Variants in GRIN2B observed in about 807,000 individuals in gnomAD.
The protein encoded by GRIN2B is glutamate receptor ionotropic, NMDA 2B.
Under a neutral mutation model 114.5 loss-of-function variants are expected in GRIN2B, and 5 were observed. That is an observed-to-expected ratio of 0.04 (90% CI 0.02 to 0.09). The LOEUF is 0.09. Among genes scored for constraint, GRIN2B ranks in the 10% least tolerant of loss-of-function variants. GRIN2B has a pLI of 1.00. For missense variants in GRIN2B, 1,108 were observed against 1,943.5 expected, an observed-to-expected ratio of 0.57 and a Z score of 8.08; for synonymous variants, 787 against 745.1, an observed-to-expected ratio of 1.06 and a Z score of -0.92.
chr12:13,812,418 T>C lies in GRIN2B; in HGVS notation c.411+53380A>G, dbSNP rs116541506. Among the ~76,000 whole-genome samples, 1,065 of 152,334 alleles carry C rather than the reference T, an allele frequency of 7.0e-3. 22 individuals are homozygous for C. The highest frequency in any genetic ancestry group is 0.025 in the African/African-American group (1,034 of 41,572). ...TTTTATTTGCCTATTACATTATCAT[T>C]TCCCACTATGTATTCTCCCTAATCT... On this transcript the variant is annotated intron_variant, in intron 3 of 13. Transcript: ENST00000609686.
chr12:13,830,664 TC>T (rs1274541188), intron 3 of GRIN2B, among the ~76,000 whole-genome samples: 1 of 152,164 alleles, frequency 6.6e-6, no homozygotes, highest in Non-Finnish European at 1.5e-5. Flanking sequence ...ATGTACACCC[TC>T]CCCAGCTAAG....
intron 3 of GRIN2B, among the ~76,000 whole-genome samples, chr12:13,783,702 T>C (rs1208940384): frequency 6.6e-6 from 1 of 152,082 alleles, no homozygotes. Flanking sequence ...TTCATTGTAA[T>C]GAAGGAAAAG....
chr12:13,870,703 G>A (rs569471564), intron 2 of GRIN2B, among the ~76,000 whole-genome samples: 1 of 152,154 alleles, frequency 6.6e-6, no homozygotes, highest in East Asian at 1.9e-4. Context: ...ATTCAATTAA[G>A]GAGACTATGA....
chr12:13,673,491 C>T (rs947817358), intron 5 of GRIN2B, among the ~76,000 whole-genome samples: 9 of 152,078 alleles, frequency 5.9e-5, no homozygotes, highest in Admixed American at 2.0e-4. Flanking sequence ...TCAGGAAGCT[C>T]ATTCTGGCAG....
At chr12:13,906,586 TAAGA>T (rs904357844) in intron 2 of GRIN2B, among the ~76,000 whole-genome samples, 1 of 152,204 alleles carries the variant, frequency 6.6e-6, no homozygotes, top group African/African-American at 2.4e-5. Flanking sequence ...TTTGTGTGTG[TAAGA>T]AAGAGAGAAA....
At chr12:13,589,052 T>G (rs1948970036) in intron 10 of GRIN2B, among the ~76,000 whole-genome samples, 1 of 152,218 alleles carries the variant, frequency 6.6e-6, no homozygotes, top group Admixed American at 6.5e-5. Flanking sequence ...CATGACATTT[T>G]GGGACATACT....
intron 4 of GRIN2B, among the ~76,000 whole-genome samples, chr12:13,726,233 T>C (rs1565514618): frequency 6.6e-6 from 1 of 152,010 alleles, no homozygotes; most frequent in Admixed American, 6.6e-5. Context: ...GCCAATATTT[T>C]TTTTTAATTA....
intron 4 of GRIN2B, among the ~76,000 whole-genome samples, chr12:13,717,422 A>G (rs11610518): frequency 0.087 from 13,244 of 151,966 alleles, 641 homozygotes; most frequent in African/African-American, 0.1. Flanking sequence ...CCTTAAACAA[A>G]TTACTTTCCA....
At chr12:13,865,491 G>A (rs1448234360) in intron 3 of GRIN2B, among the ~76,000 whole-genome samples, 1 of 152,116 alleles carries the variant, frequency 6.6e-6, no homozygotes, top group African/African-American at 2.4e-5. Flanking sequence ...AATTAGCTGG[G>A]TGTGGTGGCA....
intron 12 of GRIN2B, among the ~76,000 whole-genome samples, 155 bp from the exon 13 acceptor site, chr12:13,567,418 A>G (rs1163630756): frequency 1.3e-5 from 2 of 152,262 alleles, no homozygotes; most frequent in Non-Finnish European, 2.9e-5. Context: ...TAAAGTTAAC[A>G]GTAATCTTAT....
intron 3 of GRIN2B, among the ~76,000 whole-genome samples, chr12:13,827,225 T>C (rs751783809): frequency 5.0e-4 from 53 of 105,292 alleles, no homozygotes; most frequent in Non-Finnish European, 9.0e-4. Flanking sequence ...CTTATTGTTG[T>C]TTTCTTTTTT....
At chr12:13,651,708 T>C (rs1949814639) in intron 5 of GRIN2B, among the ~76,000 whole-genome samples, 1 of 152,104 alleles carries the variant, frequency 6.6e-6, no homozygotes, top group Admixed American at 6.5e-5. Flanking sequence ...ATAACTAAGC[T>C]AGAAAACAGC....
At chr12:13,925,343 T>C (rs1456936261) in intron 2 of GRIN2B, among the ~76,000 whole-genome samples, 1 of 152,074 alleles carries the variant, frequency 6.6e-6, no homozygotes, top group African/African-American at 2.4e-5. Context: ...AAGGAGTAAT[T>C]TAGGAATGTG....
At chr12:13,948,168 C>T (rs1354589556) in intron 2 of GRIN2B, among the ~76,000 whole-genome samples, 1 of 152,122 alleles carries the variant, frequency 6.6e-6, no homozygotes, top group Admixed American at 6.5e-5. Context: ...CTAATAGCTA[C>T]AAGAAAGAAG....
chr12:13,877,789 G>T (rs1355216153), intron 2 of GRIN2B, among the ~76,000 whole-genome samples: 1 of 152,086 alleles, frequency 6.6e-6, no homozygotes, highest in South Asian at 2.1e-4. Context: ...CAGGCCAGGC[G>T]CAGTGGCTCA....
At chr12:13,742,824 T>C (rs907634112) in intron 4 of GRIN2B, among the ~76,000 whole-genome samples, 11 of 152,180 alleles carry the variant, frequency 7.2e-5, no homozygotes, top group Non-Finnish European at 1.3e-4. Context: ...AGTGTGGCCA[T>C]TGACTGATTT....
chr12:13,784,822 G>A (rs1026447652), intron 3 of GRIN2B, among the ~76,000 whole-genome samples: 1 of 152,186 alleles, frequency 6.6e-6, no homozygotes, highest in Non-Finnish European at 1.5e-5. Flanking sequence ...GAAACATGGG[G>A]CAACCCAAGC....
rs1949441696 is a variant in GRIN2B at position 13,616,448 on chromosome 12, G to A, written c.1328+7C>T. 1.3e-6 allele frequency: 2 copies of A among 1,599,308 alleles called. No homozygotes were observed. The highest frequency in any genetic ancestry group is 1.1e-5 in the South Asian group (1 of 90,750). ...TGCCACCCAAAGTCATTGAGAGGATGCCATACTCAGTGACTATGCGTTTTT... is the reference window on the plus strand; with the variant it reads ...TGCCACCCAAAGTCATTGAGAGGATACCATACTCAGTGACTATGCGTTTTT... On this transcript the variant is annotated splice_region_variant and intron_variant, in intron 6 of 13. Transcript: ENST00000609686.
chr12:13,801,531 C>A (rs1434728091), intron 3 of GRIN2B, among the ~76,000 whole-genome samples: 1 of 152,102 alleles, frequency 6.6e-6, no homozygotes, highest in Non-Finnish European at 1.5e-5. Flanking sequence ...GTAGAAATGG[C>A]TTTACCATCT....
Sources: allele counts gnomAD v4.1 joint callset (sites outside exome capture counted in the v4.1 genomes callset), GRCh38; gene constraint gnomAD v4.1.1; transcripts MANE v1.5; gene names NCBI Gene and HGNC (gene_info 2026-07-23, HGNC 2026-07-21).